Variants in KCNJ6 observed in about 807,000 individuals in gnomAD.
KCNJ6 encodes G protein-activated inward rectifier potassium channel 2.
KCNJ6 carries 9 observed loss-of-function variants against 34.2 expected under a neutral mutation model. The ratio of observed to expected loss-of-function variants is 0.26; its 90% confidence interval spans 0.16 to 0.46. The LOEUF (loss-of-function observed/expected upper bound fraction) is 0.46, where lower values mean the gene tolerates loss of function less well. Among genes scored for constraint, KCNJ6 ranks in the 20% least tolerant of loss-of-function variants. The pLI is 1.00. For synonymous variants in KCNJ6, 196 were observed against 207.1 expected, an observed-to-expected ratio of 0.95 and a Z score of 0.46; for missense variants, 236 against 531.3, an observed-to-expected ratio of 0.44 and a Z score of 5.46.
At chr21:37,647,465 T>C (rs2123383519) in intron 3 of KCNJ6, among the ~76,000 whole-genome samples, 1 of 152,322 alleles carries the variant, frequency 6.6e-6, no homozygotes, top group South Asian at 2.1e-4. Flanking sequence ...GCTGACCCAA[T>C]TGCCAGAGAC....
chr21:37,870,372 G>C (rs529834277), intron 1 of KCNJ6, among the ~76,000 whole-genome samples: 1 of 152,246 alleles, frequency 6.6e-6, no homozygotes, highest in South Asian at 2.1e-4. Flanking sequence ...GACCTTTTAA[G>C]CATCTGTTTT....
intron 2 of KCNJ6, among the ~76,000 whole-genome samples, chr21:37,793,545 C>CAAAAAA (rs954872713): frequency 5.0e-5 from 1 of 19,868 alleles, no homozygotes; most frequent in Non-Finnish European, 1.1e-4. Flanking sequence ...GACTCCATCT[C>CAAAAAA]AAAAAAAAAA....
rs143197789 is a variant in KCNJ6 at position 37,875,492 on chromosome 21, G to C, written c.-27-34783C>G. Among the ~76,000 whole-genome samples, 14 of 152,262 alleles carry C rather than the reference G, an allele frequency of 9.2e-5. No homozygotes were observed. The East Asian group carries it at 2.7e-3, about 30-fold the overall frequency. On this transcript the variant is annotated intron_variant, in intron 1 of 3. Coordinates refer to ENST00000609713, the MANE Select transcript of KCNJ6 (RefSeq NM_002240.5). ...AGCCAGGGCGCTAATCTTCCTGGGGGCCAGGTCACAGGAGGCTCCTGGCTT... is the reference window on the plus strand; with the variant it reads ...AGCCAGGGCGCTAATCTTCCTGGGGCCCAGGTCACAGGAGGCTCCTGGCTT...
intron 2 of KCNJ6, among the ~76,000 whole-genome samples, chr21:37,716,699 C>G (rs1272734194): frequency 6.6e-6 from 1 of 152,078 alleles, no homozygotes. Flanking sequence ...TTTCTTATGG[C>G]TTTCATGATT....
At chr21:37,634,255 C>T (rs2054346754) in intron 3 of KCNJ6, among the ~76,000 whole-genome samples, 1 of 151,996 alleles carries the variant, frequency 6.6e-6, no homozygotes, top group African/African-American at 2.4e-5. Flanking sequence ...TCTATCAGTT[C>T]TCATGAGAAC....
At chr21:37,657,138 C>T (rs1299424525) in intron 3 of KCNJ6, among the ~76,000 whole-genome samples, 1 of 152,148 alleles carries the variant, frequency 6.6e-6, no homozygotes, top group Non-Finnish European at 1.5e-5. Flanking sequence ...GAACCCCTGC[C>T]TCACCCCCAG....
intron 1 of KCNJ6, among the ~76,000 whole-genome samples, chr21:37,851,572 A>T (rs578253250): frequency 6.6e-6 from 1 of 152,210 alleles, no homozygotes; most frequent in African/African-American, 2.4e-5. Flanking sequence ...AAGGGACAGA[A>T]GGTGACCCCT....
At chr21:37,694,862 TC>T (rs1413372668) in intron 3 of KCNJ6, among the ~76,000 whole-genome samples, 2 of 152,142 alleles carry the variant, frequency 1.3e-5, no homozygotes, top group Non-Finnish European at 2.9e-5. Flanking sequence ...GAGGGCTCCT[TC>T]TCTCTGTGCC....
At chr21:37,881,109 T>G (rs907283811) in intron 1 of KCNJ6, among the ~76,000 whole-genome samples, 1 of 152,106 alleles carries the variant, frequency 6.6e-6, no homozygotes, top group Admixed American at 6.5e-5. Flanking sequence ...TCTGTGCTTT[T>G]TTTTCAGGGG....
intron 2 of KCNJ6, among the ~76,000 whole-genome samples, chr21:37,725,378 G>A (rs1194823281): frequency 6.6e-6 from 1 of 152,180 alleles, no homozygotes; most frequent in South Asian, 2.1e-4. Flanking sequence ...GGGCAATAGA[G>A]CAAGACTCTG....
intron 3 of KCNJ6, among the ~76,000 whole-genome samples, chr21:37,663,001 A>G (rs1187488986): frequency 6.6e-6 from 1 of 152,132 alleles, no homozygotes; most frequent in African/African-American, 2.4e-5. Context: ...TTTTGTATAC[A>G]TATTCTTGTT....
intron 1 of KCNJ6, among the ~76,000 whole-genome samples, chr21:37,910,279 C>T (rs748387953): frequency 1.4e-4 from 22 of 152,096 alleles, no homozygotes; most frequent in Admixed American, 4.6e-4. Context: ...TAAGAAACAC[C>T]GGAGCCTGTG....
intron 3 of KCNJ6, among the ~76,000 whole-genome samples, chr21:37,653,163 A>G (rs2054441616): frequency 6.6e-6 from 1 of 152,224 alleles, no homozygotes; most frequent in Non-Finnish European, 1.5e-5. Flanking sequence ...TGCAACAACA[A>G]CAACAGCAAC....
At chr21:37,744,254 T>C (rs34509333) in intron 2 of KCNJ6, among the ~76,000 whole-genome samples, 73,053 of 150,402 alleles carry the variant, frequency 0.49, 17,886 homozygotes, top group South Asian at 0.62. Flanking sequence ...ATGGCACATG[T>C]ATACATATGT....
chr21:37,686,313 G>A (rs2054614830), intron 3 of KCNJ6, among the ~76,000 whole-genome samples: 2 of 152,068 alleles, frequency 1.3e-5, no homozygotes, highest in Non-Finnish European at 2.9e-5. Flanking sequence ...GCAGATGGAG[G>A]GAGACTCATC....
chr21:37,714,075 T>C lies in KCNJ6; in HGVS notation c.946+136A>G. On this transcript the variant is annotated intron_variant, in intron 3 of 3. Transcript: ENST00000609713. The surrounding 1 kb of genome is among the most constrained non-coding windows in gnomAD (Gnocchi z 5.9). ...CTTCAGGTGAGACATGTAGGCATAC[T>C]ATGTCATGAAGCAAGGGGATGTTGT... The C allele has an allele frequency of 1.4e-6, 1 of 699,510 alleles. No individual in the cohort carries two copies. The highest frequency in any genetic ancestry group is 1.8e-5 in the South Asian group (1 of 56,332). 43.3% of individuals were successfully genotyped at this position (699,510 alleles called of 1,614,324 possible).
chr21:37,897,312 T>G (rs1272201617), intron 1 of KCNJ6, among the ~76,000 whole-genome samples: 1 of 152,170 alleles, frequency 6.6e-6, no homozygotes, highest in Admixed American at 6.5e-5. Context: ...AACAGTGTTG[T>G]TCAGTCCTGG....
At chr21:37,753,482 C>G (rs2055007253) in intron 2 of KCNJ6, among the ~76,000 whole-genome samples, 1 of 152,118 alleles carries the variant, frequency 6.6e-6, no homozygotes, top group African/African-American at 2.4e-5. Context: ...GTATCCCAGC[C>G]TTAGAAACAA....
At chr21:37,634,376 G>A (rs941052520) in intron 3 of KCNJ6, among the ~76,000 whole-genome samples, 1 of 152,158 alleles carries the variant, frequency 6.6e-6, no homozygotes, top group African/African-American at 2.4e-5. Context: ...ATGAGTGGAA[G>A]CTTCCTGAAG....
Sources: gnomAD v4.1 joint callset for allele counts (sites outside exome capture counted in the v4.1 genomes callset) on GRCh38, gnomAD v4.1.1 for gene constraint, Gnocchi (gnomAD v3.1) non-coding constraint, MANE v1.5 for transcripts, NCBI Gene and HGNC (gene_info 2026-07-23, HGNC 2026-07-21) for gene names.